Variants in DAP observed in about 807,000 individuals in gnomAD.
DAP encodes death-associated protein 1.
In DAP, 8 loss-of-function variants were observed where a neutral mutation model predicts 13.8. The observed-to-expected ratio is 0.58, with a 90% CI of 0.34 to 1.05. DAP has a LOEUF of 1.05. Among genes scored for constraint, DAP ranks in the 50% least tolerant of loss-of-function variants. The probability of loss-of-function intolerance (pLI) is 0.03; values close to 1 mark genes in which losing one functional copy is unlikely to be tolerated. For synonymous variants in DAP, 47 were observed against 47.5 expected (o/e 0.99, Z 0.04); for missense variants, 106 against 133.2 (o/e 0.80, Z 1.01).
intron 2 of DAP, among the ~76,000 whole-genome samples, chr5:10,738,436 G>C (rs1159121411): frequency 6.6e-6 from 1 of 152,240 alleles, no homozygotes; most frequent in Admixed American, 6.5e-5. Context: ...ATGAGATGGG[G>C]AGTGTCGTGT....
At chr5:10,710,144 C>A (rs920449187) in intron 2 of DAP, among the ~76,000 whole-genome samples, 5 of 152,234 alleles carry the variant, frequency 3.3e-5, no homozygotes, top group African/African-American at 9.6e-5. Flanking sequence ...CGACCCCTCC[C>A]CTTCCCTCGG....
At chr5:10,705,509 T>A (rs1738677593) in intron 2 of DAP, among the ~76,000 whole-genome samples, 2 of 152,234 alleles carry the variant, frequency 1.3e-5, no homozygotes, top group Non-Finnish European at 2.9e-5. Flanking sequence ...AGGCTGTGCA[T>A]TTGGCCCCAG....
At chr5:10,730,652 A>G (rs1397756349) in intron 2 of DAP, among the ~76,000 whole-genome samples, 7 of 118,044 alleles carry the variant, frequency 5.9e-5, no homozygotes, top group African/African-American at 9.9e-5. Context: ...GTAGGGGGGA[A>G]TCTTTCTCTA....
At chr5:10,691,023 G>C (rs1302926210) in intron 2 of DAP, among the ~76,000 whole-genome samples, 1 of 152,178 alleles carries the variant, frequency 6.6e-6, no homozygotes. Context: ...TCGTACTGTG[G>C]TTTAGATTTA....
chr5:10,696,274 G>A (rs555411820), intron 2 of DAP, among the ~76,000 whole-genome samples: 14 of 152,244 alleles, frequency 9.2e-5, no homozygotes, highest in African/African-American at 2.2e-4. Context: ...ATACAGAAGC[G>A]ACCACATCTG....
At chr5:10,755,412 A>G (rs1055306384) in intron 1 of DAP, among the ~76,000 whole-genome samples, 1 of 152,174 alleles carries the variant, frequency 6.6e-6, no homozygotes, top group Non-Finnish European at 1.5e-5. Flanking sequence ...TAGAACCACT[A>G]AGTTTATTGT....
chr5:10,740,410 T>A (rs1177802451), intron 2 of DAP, among the ~76,000 whole-genome samples: 2 of 152,192 alleles, frequency 1.3e-5, no homozygotes, highest in Admixed American at 6.5e-5. Flanking sequence ...TCCAAGCTGA[T>A]GACACCAAAC....
chr5:10,714,732 C>A (rs187335601), intron 2 of DAP, among the ~76,000 whole-genome samples: 1 of 152,102 alleles, frequency 6.6e-6, no homozygotes, highest in African/African-American at 2.4e-5. Context: ...TTCTCATGAA[C>A]GGTTTAGTAC....
chr5:10,722,588 A>G (rs955119243), intron 2 of DAP, among the ~76,000 whole-genome samples: 1 of 128,938 alleles, frequency 7.8e-6, no homozygotes, highest in African/African-American at 3.0e-5. Flanking sequence ...ATATATATAC[A>G]TATATACATA....
chr5:10,711,181 T>C (rs986485809), intron 2 of DAP, among the ~76,000 whole-genome samples: 1 of 152,226 alleles, frequency 6.6e-6, no homozygotes, highest in Non-Finnish European at 1.5e-5. Context: ...TGCTCTGCTG[T>C]ACACAGCAAG....
At chr5:10,700,572 A>G (rs903314691) in intron 2 of DAP, among the ~76,000 whole-genome samples, 3 of 152,164 alleles carry the variant, frequency 2.0e-5, no homozygotes, top group Non-Finnish European at 4.4e-5. Flanking sequence ...CCCCAGGGGC[A>G]GCGTGGATGT....
chr5:10,755,956 T>C (rs928017476), intron 1 of DAP, among the ~76,000 whole-genome samples: 1 of 152,246 alleles, frequency 6.6e-6, no homozygotes, highest in African/African-American at 2.4e-5. Context: ...GAGACCTGAC[T>C]GGACAACATA....
intron 2 of DAP, among the ~76,000 whole-genome samples, chr5:10,683,902 C>T (rs1263046088): frequency 6.6e-6 from 1 of 152,220 alleles, no homozygotes; most frequent in Non-Finnish European, 1.5e-5. Flanking sequence ...TCATAGCTCA[C>T]AGCAGCCTCC....
intron 2 of DAP, among the ~76,000 whole-genome samples, chr5:10,725,068 T>G (rs571915948): frequency 1.3e-5 from 2 of 152,244 alleles, no homozygotes; most frequent in African/African-American, 4.8e-5. Flanking sequence ...CTGATCACAT[T>G]TGGAATCCCT....
intron 1 of DAP, among the ~76,000 whole-genome samples, chr5:10,759,934 T>C (rs1740297125): frequency 6.6e-6 from 1 of 151,904 alleles, no homozygotes; most frequent in Admixed American, 6.6e-5. Flanking sequence ...TTTCTACTTT[T>C]AGTAGAGATG....
chr5:10,750,982 T>C (rs1455043436), intron 1 of DAP, among the ~76,000 whole-genome samples: 4 of 152,252 alleles, frequency 2.6e-5, no homozygotes, highest in African/African-American at 9.6e-5. Context: ...ACTGAACTCA[T>C]GTAAAAGCAA....
At chr5:10,732,231 T>C (rs1219669368) in intron 2 of DAP, among the ~76,000 whole-genome samples, 1 of 152,242 alleles carries the variant, frequency 6.6e-6, no homozygotes, top group East Asian at 1.9e-4. Flanking sequence ...CCTTAAATTA[T>C]ACAATTTAGT....
intron 3 of DAP, among the ~76,000 whole-genome samples, chr5:10,682,712 G>A (rs1738055279): frequency 6.6e-6 from 1 of 152,272 alleles, no homozygotes; most frequent in African/African-American, 2.4e-5. Context: ...AGGTGGCACT[G>A]AGGCCCACAC....
chr5:10,742,954 T>C (rs62336773), intron 2 of DAP, among the ~76,000 whole-genome samples: 88 of 147,276 alleles, frequency 6.0e-4, no homozygotes, highest in African/African-American at 1.6e-3. Context: ...TCCATCCATC[T>C]ATCCATTCAG....
Sources: gnomAD v4.1 joint callset for allele counts (sites outside exome capture counted in the v4.1 genomes callset) on GRCh38, gnomAD v4.1.1 for gene constraint, MANE v1.5 for transcripts, NCBI Gene and HGNC (gene_info 2026-07-23, HGNC 2026-07-21) for gene names.